DNAH14: variants seen among roughly 807,000 people sequenced by gnomAD.
DNAH14 encodes the protein dynein axonemal heavy chain 14.
A neutral mutation model predicts 520.9 loss-of-function variants in DNAH14; 478 were observed. The ratio of observed to expected loss-of-function variants is 0.92; its 90% CI spans 0.85 to 0.99. The LOEUF (loss-of-function observed/expected upper bound fraction) is 0.99, where lower values mean the gene tolerates loss of function less well. DNAH14 is among the 50% of genes least tolerant of loss of function. The pLI, the probability that DNAH14 is intolerant of heterozygous loss-of-function variation, is 0.00. For synonymous variants in DNAH14, 1,581 were observed against 1,757.2 expected (o/e 0.90, Z 2.51); for missense variants, 4,831 against 5,234.5 (o/e 0.92, Z 2.38).
chr1:225,323,797 A>G (rs184712923), intron 62 of DNAH14, among the ~76,000 whole-genome samples: 1 of 151,494 alleles, frequency 6.6e-6, no homozygotes, highest in East Asian at 2.0e-4. Flanking sequence ...TGTGTCTTTG[A>G]TTCTACTATT....
intron 11 of DNAH14, among the ~76,000 whole-genome samples, chr1:225,028,357 A>C (rs1227189936): frequency 6.6e-6 from 1 of 151,970 alleles, no homozygotes; most frequent in Admixed American, 6.6e-5. Flanking sequence ...CAGTTTTGGT[A>C]ATTTATGTCT....
At chr1:225,131,529 A>C (rs976453764) in intron 27 of DNAH14, among the ~76,000 whole-genome samples, 2 of 152,324 alleles carry the variant, frequency 1.3e-5, no homozygotes, top group African/African-American at 4.8e-5. Context: ...TTATGATTAC[A>C]TGTGTTTTCT....
intron 17 of DNAH14, among the ~76,000 whole-genome samples, chr1:225,065,010 C>T (rs2070684670): frequency 1.3e-5 from 2 of 151,888 alleles, no homozygotes; most frequent in African/African-American, 4.8e-5. Flanking sequence ...ACAGTTTCCT[C>T]AAAGGTAAAT....
chr1:225,313,432 C>A (rs1331824404), intron 60 of DNAH14, among the ~76,000 whole-genome samples: 1 of 152,126 alleles, frequency 6.6e-6, no homozygotes, highest in East Asian at 1.9e-4. Flanking sequence ...TCTTGCGTCT[C>A]TATCTCCTTC....
Position 225,381,472 on chromosome 1 carries a change from TC to T in DNAH14, c.12972del (p.Leu4325Ter). 2 of 1,550,120 alleles carry T rather than the reference TC, an allele frequency of 1.3e-6. No homozygotes were observed. Among genetic ancestry groups the T allele is most frequent in the East Asian group, 4.9e-5 (2 of 40,886 alleles). On this transcript the variant is annotated frameshift_variant, in exon 81 of 86. Coordinates refer to ENST00000682510, the MANE Select transcript of DNAH14 (RefSeq NM_001367479.1). LOFTEE classifies it high-confidence loss of function. ...FDKLLFVIHK[S>X]LKDLQLAIKG... The stretch of plus-strand genomic sequence containing the variant: ...TAAGTTATTATTTGTCATACATAAA[TC>T]CTTAAAAGATCTTCAGCTTGCTATA...
Position 225,043,731 on chromosome 1 carries a change from T to A in DNAH14, c.1769-13T>A. On this transcript the variant is annotated splice_polypyrimidine_tract_variant and intron_variant, in intron 13 of 85. Coordinates refer to ENST00000682510, the MANE Select transcript of DNAH14 (RefSeq NM_001367479.1). ...ATTTTGTATTTTCTCTTTCTTTCAA[T>A]GGATTCTAATAGACACAGAAATTGA... 6.9e-7 allele frequency: 1 copy of A among 1,445,410 alleles called. No individual in the cohort carries two copies. The highest frequency in any genetic ancestry group is 1.3e-5 in the South Asian group (1 of 79,878). The allele number at this position is 1,445,410 out of a possible 1,614,324, so 89.5% of individuals were successfully genotyped here.
chr1:225,098,350 G>A (rs949718621), intron 22 of DNAH14, among the ~76,000 whole-genome samples: 25 of 152,244 alleles, frequency 1.6e-4, no homozygotes, highest in African/African-American at 5.8e-4. Context: ...TGGCCTTAAG[G>A]GTGCTCAAGT....
intron 43 of DNAH14, among the ~76,000 whole-genome samples, chr1:225,248,940 A>G (rs2092426952): frequency 6.6e-6 from 1 of 152,214 alleles, no homozygotes; most frequent in Non-Finnish European, 1.5e-5. Context: ...GTACAACTCC[A>G]TTGCAGTTTG....
In DNAH14 at chr1:225,080,680, G is replaced by A. The variant is rs1334756719; in HGVS notation, c.3068G>A (p.Ser1023Asn). 4 of 1,551,308 alleles carry A rather than the reference G, an allele frequency of 2.6e-6. No homozygotes were observed. Among genetic ancestry groups the A allele is most frequent in the Middle Eastern group, 1.7e-4 (1 of 6,008 alleles). Residue 1023 changes from serine to asparagine, a missense_variant, in exon 19 of 86, where the codon AGT (serine) becomes AAT (asparagine). Transcript: ENST00000682510. ...GAATGGAGGAATAGTTCTCTTCAAAGTATTGATGTAGAATCAGTACAGAGA... is the reference window on the plus strand; with the variant it reads ...GAATGGAGGAATAGTTCTCTTCAAAATATTGATGTAGAATCAGTACAGAGA... ...SWEWRNSSLQ[S>N]IDVESVQRNV...
At chr1:225,068,094 G>C (rs577832057) in intron 17 of DNAH14, among the ~76,000 whole-genome samples, 15 of 152,258 alleles carry the variant, frequency 9.9e-5, no homozygotes, top group African/African-American at 3.6e-4. Flanking sequence ...TTACATTTAA[G>C]TCTTTAATTC....
chr1:225,018,898 G>A lies in DNAH14; in HGVS notation c.1108-4717G>A, dbSNP rs1328976287. On this transcript the variant is annotated intron_variant, in intron 10 of 85. Coordinates refer to ENST00000682510, the MANE Select transcript of DNAH14 (RefSeq NM_001367479.1). ...GACCTACCTTACAAGAGGTCCTAAAGGGAGTGCTAAACATGGAAATGAAAG... is the reference window on the plus strand; with the variant it reads ...GACCTACCTTACAAGAGGTCCTAAAAGGAGTGCTAAACATGGAAATGAAAG... Among the ~76,000 whole-genome samples the A allele has an allele frequency of 2.0e-5, 3 of 152,186 alleles. No individual in the cohort carries two copies. The East Asian group carries it at 5.8e-4, about 29-fold the overall frequency.
Position 225,324,295 on chromosome 1 carries a change from C to T in DNAH14, c.9569C>T (p.Ala3190Val). The change falls in exon 63 of 86, where the codon GCT becomes GTT. Residue 3190 changes from alanine (A) to valine (V), a missense_variant. Ala to Val is a moderately conservative substitution (Grantham distance 64). Coordinates refer to ENST00000682510, the MANE Select transcript of DNAH14 (RefSeq NM_001367479.1). Reference sequence around the variant, plus strand: ...CACAAGATTTCGCTGGTTTCTGTTGCTTGTTGCTCCCTGTGCCAGTGGGTT... The same window carrying T: ...CACAAGATTTCGCTGGTTTCTGTTGTTTGTTGCTCCCTGTGCCAGTGGGTT... ...NPHKISLVSVACCSLCQWVIA... is the reference protein window; with the variant it reads ...NPHKISLVSVVCCSLCQWVIA... 6.4e-7 allele frequency: 1 copy of T among 1,551,832 alleles called. No homozygotes were observed. Among genetic ancestry groups the T allele is most frequent in the Non-Finnish European group, 8.7e-7 (1 of 1,147,018 alleles).
chr1:225,023,584 A>G, intron 10 of DNAH14, 31 bp from the exon 11 acceptor site: 1 of 1,469,946 alleles, frequency 6.8e-7, no homozygotes, highest in Non-Finnish European at 9.1e-7. Flanking sequence ...GAAAATCAAT[A>G]CTTGTTTCTC....
Position 225,381,346 on chromosome 1 carries a change from G to A in DNAH14, c.12881-37G>A, listed in dbSNP as rs1480110991. On this transcript the variant is annotated intron_variant, in intron 80 of 85. Transcript: ENST00000682510. ...TCCATGTAAAGCCTCTTTTTAATCTGTAAAATATCAAAATTTTATTTCTTT... is the reference window on the plus strand; with the variant it reads ...TCCATGTAAAGCCTCTTTTTAATCTATAAAATATCAAAATTTTATTTCTTT... 7 of 1,515,156 alleles carry A rather than the reference G, an allele frequency of 4.6e-6. No homozygotes were observed. The South Asian group carries it at 7.8e-5, about 17-fold the overall frequency. 93.9% of individuals were successfully genotyped at this position (1,515,156 alleles called of 1,614,324 possible). A position where few individuals can be genotyped will look rare whatever the true frequency, so the allele number is the denominator to read the frequency against.
chr1:225,330,588 G>T (rs1425047529), intron 64 of DNAH14, among the ~76,000 whole-genome samples: 1 of 152,130 alleles, frequency 6.6e-6, no homozygotes, highest in Non-Finnish European at 1.5e-5. Context: ...TCACTTATTT[G>T]TGGGATCGAA....
intron 37 of DNAH14, among the ~76,000 whole-genome samples, chr1:225,191,167 G>A (rs2085383718): frequency 6.6e-6 from 1 of 151,768 alleles, no homozygotes; most frequent in South Asian, 2.1e-4. Context: ...TTCTTCAAAT[G>A]GCTCTGAGTT....
intron 61 of DNAH14, among the ~76,000 whole-genome samples, chr1:225,322,081 C>CTTT (rs2094565139): frequency 1.0e-5 from 1 of 100,476 alleles, no homozygotes; most frequent in Admixed American, 1.1e-4. Flanking sequence ...CTTTTTTTTT[C>CTTT]TTTCTTTTTT....
At chr1:225,260,797 G>A (rs1018307272) in intron 46 of DNAH14, among the ~76,000 whole-genome samples, 4 of 151,954 alleles carry the variant, frequency 2.6e-5, no homozygotes, top group South Asian at 2.1e-4. Context: ...CCACTTATTT[G>A]TGTTTTCTTA....
chr1:225,185,004 C>T (rs189238567), intron 36 of DNAH14, among the ~76,000 whole-genome samples: 29 of 151,934 alleles, frequency 1.9e-4, no homozygotes, highest in African/African-American at 6.7e-4. Flanking sequence ...TGACTCTGTA[C>T]CTGTTATTAA....
Sources: allele counts gnomAD v4.1 joint callset (sites outside exome capture counted in the v4.1 genomes callset), GRCh38; gene constraint gnomAD v4.1.1; transcripts MANE v1.5; gene names NCBI Gene and HGNC (gene_info 2026-07-23, HGNC 2026-07-21).